The following HHLA2 variants were observed in gnomAD, a reference collection of about 807,000 sequenced individuals.
HHLA2 encodes the protein HERV-H LTR-associating protein 2.
In HHLA2, 48 loss-of-function variants were observed where a neutral mutation model predicts 45.9. The ratio of observed to expected loss-of-function variants is 1.05; its 90% CI spans 0.83 to 1.33. The LOEUF (loss-of-function observed/expected upper bound fraction) is 1.33. HHLA2 is among the 40% of genes most tolerant of loss of function. The pLI is 0.00. For missense variants in HHLA2, 462 were observed against 494.3 expected (o/e 0.93, Z 0.62); for synonymous variants, 161 against 173.9 (o/e 0.93, Z 0.59).
chr3:108,298,326 C>T (rs1360036095), intron 1 of HHLA2, among the ~76,000 whole-genome samples: 1 of 152,152 alleles, frequency 6.6e-6, no homozygotes, highest in Non-Finnish European at 1.5e-5. Context: ...TAAACATATG[C>T]CACCAGAAAA....
At chr3:108,320,741 C>T (rs1022637813) in intron 2 of HHLA2, among the ~76,000 whole-genome samples, 3 of 152,130 alleles carry the variant, frequency 2.0e-5, no homozygotes, top group African/African-American at 7.2e-5. Flanking sequence ...ACAAGATGAA[C>T]TTGCAGTCTT....
At chr3:108,347,951 T>A in intron 3 of HHLA2, among the ~76,000 whole-genome samples, 1 of 152,020 alleles carries the variant, frequency 6.6e-6, no homozygotes, top group East Asian at 1.9e-4. Context: ...TTGGGGTGGG[T>A]CATAGAGAAA....
intron 10 of HHLA2, chr3:108,376,872 A>G: frequency 2.9e-6 from 1 of 342,908 alleles, no homozygotes; most frequent in Non-Finnish European, 5.4e-6. Flanking sequence ...TAGAAGCATG[A>G]AACATGGGAT....
chr3:108,341,109 C>T (rs535279020), intron 3 of HHLA2, among the ~76,000 whole-genome samples: 20 of 151,952 alleles, frequency 1.3e-4, no homozygotes, highest in African/African-American at 1.9e-4. Flanking sequence ...CTCACCACCA[C>T]GCCTGGCTAA....
intron 8 of HHLA2, among the ~76,000 whole-genome samples, chr3:108,370,219 T>G (rs1236048089): frequency 2.0e-5 from 3 of 152,112 alleles, no homozygotes; most frequent in South Asian, 2.1e-4. Flanking sequence ...TGGACCTGTT[T>G]AGTGGACCTC....
intron 3 of HHLA2, among the ~76,000 whole-genome samples, chr3:108,350,749 A>G (rs979211365): frequency 1.2e-4 from 18 of 152,162 alleles, no homozygotes; most frequent in Admixed American, 1.2e-3. Context: ...CAGTGGTACA[A>G]TCTCGCCTCA....
chr3:108,325,069 A>C (rs1439367189), intron 2 of HHLA2, among the ~76,000 whole-genome samples: 1 of 152,052 alleles, frequency 6.6e-6, no homozygotes, highest in African/African-American at 2.4e-5. Context: ...TTCTGTCTTT[A>C]ATCTGTATTT....
chr3:108,362,410 G>C, exon 8 of HHLA2: 1 of 1,612,270 alleles, frequency 6.2e-7, no homozygotes, highest in Non-Finnish European at 8.5e-7. Context: ...GATTTTGGCA[G>C]CTTTTCTGCT....
In HHLA2 at chr3:108,356,730, C is replaced by T. The variant is rs2081900347; in HGVS notation, c.686-1114C>T. ...CGTGCCAAGTTTTGTTGCTCACAGA[C>T]TGTGAACTTAAGAACATGGTCTCTA... On this transcript the variant is annotated intron_variant, in intron 6 of 10. Transcript: ENST00000619531. Among the ~76,000 whole-genome samples the T allele has an allele frequency of 2.0e-5, 3 of 152,284 alleles. No homozygotes were observed. The South Asian group carries it at 6.2e-4, about 32-fold the overall frequency.
intron 7 of HHLA2, among the ~76,000 whole-genome samples, chr3:108,360,457 C>T (rs2081968078): frequency 6.6e-6 from 1 of 152,172 alleles, no homozygotes; most frequent in Non-Finnish European, 1.5e-5. Flanking sequence ...CAAAGAAGCA[C>T]TTTATGGCTT....
intron 2 of HHLA2, among the ~76,000 whole-genome samples, chr3:108,316,517 G>T (rs1257271670): frequency 1.3e-5 from 2 of 152,106 alleles, no homozygotes; most frequent in African/African-American, 4.8e-5. Context: ...AGATTAAAAG[G>T]CATCACCCAG....
rs775538346 is a variant in HHLA2, at chr3:108,351,844, C to G, written c.31C>G (p.Leu11Val). 14 of 1,612,358 alleles carry G rather than the reference C, an allele frequency of 8.7e-6. No homozygotes were observed. The highest frequency in any genetic ancestry group is 1.2e-5 in the Non-Finnish European group (14 of 1,178,960). The change falls in exon 4 of 11, where the codon CTC becomes GTC. Residue 11 changes from leucine to valine, a missense_variant. Leu to Val is a conservative substitution (Grantham distance 32, BLOSUM62 1). This residue lies in a region of HHLA2 where 335 missense variants were observed against 367.4 expected (regional missense o/e 0.91). Transcript: ENST00000619531. ...GGCACAGACAGCACTGTCTTTCTTC[C>G]TCATTCTCATAACATCTCTGAGTGG...
intron 2 of HHLA2, among the ~76,000 whole-genome samples, chr3:108,311,200 C>A (rs1026996554): frequency 6.6e-6 from 1 of 152,168 alleles, no homozygotes; most frequent in Non-Finnish European, 1.5e-5. Context: ...AGCCTGTAAT[C>A]ATTTTGTTAA....
At chr3:108,328,225 G>C in intron 2 of HHLA2, 1 of 849,020 alleles carries the variant, frequency 1.2e-6, no homozygotes, top group Non-Finnish European at 1.7e-6. Context: ...GTCATCTGGG[G>C]CATTGATACT....
chr3:108,335,591 TAGA>T (rs1036194430), intron 3 of HHLA2, among the ~76,000 whole-genome samples: 9 of 152,248 alleles, frequency 5.9e-5, no homozygotes, highest in Non-Finnish European at 1.0e-4. Context: ...GTCAAGAACA[TAGA>T]AGAAGATTGA....
intron 8 of HHLA2, among the ~76,000 whole-genome samples, chr3:108,374,808 A>G (rs1252774184): frequency 2.1e-5 from 3 of 142,854 alleles, no homozygotes; most frequent in Admixed American, 1.4e-4. Flanking sequence ...TAGAATGGCG[A>G]TCATTAAAAA....
At chr3:108,356,057 T>C (rs1223750322) in intron 6 of HHLA2, among the ~76,000 whole-genome samples, 1 of 115,470 alleles carries the variant, frequency 8.7e-6, no homozygotes, top group African/African-American at 3.4e-5. Context: ...TGAGATGGAG[T>C]CTCCCTCTGT....
chr3:108,359,899 GTCCT>G (rs2081959637), intron 7 of HHLA2, among the ~76,000 whole-genome samples: 1 of 152,066 alleles, frequency 6.6e-6, no homozygotes, highest in Non-Finnish European at 1.5e-5. Flanking sequence ...GGATTAATCT[GTCCT>G]TCCATGTTTA....
At chr3:108,365,647 C>A (rs976605039) in intron 8 of HHLA2, among the ~76,000 whole-genome samples, 14 of 152,152 alleles carry the variant, frequency 9.2e-5, no homozygotes, top group African/African-American at 2.9e-4. Context: ...GTTGTGTCCT[C>A]TCTTATTTCC....
Sources: allele counts gnomAD v4.1 joint callset (sites outside exome capture counted in the v4.1 genomes callset), GRCh38; gene constraint gnomAD v4.1.1; regional missense constraint gnomAD v4.1.1; transcripts MANE v1.5; gene names NCBI Gene and HGNC (gene_info 2026-07-23, HGNC 2026-07-21).